The following PLEKHM1 variants were observed in gnomAD, a reference collection of about 807,000 sequenced individuals.
PLEKHM1 encodes the protein pleckstrin homology domain-containing family M member 1.
Under a neutral mutation model 94.3 loss-of-function variants are expected in PLEKHM1, and 28 were observed. The observed-to-expected ratio is 0.30, with a 90% confidence interval of 0.22 to 0.41. The LOEUF is 0.41. Ranked by LOEUF, PLEKHM1 falls within the 10% of genes least tolerant of loss-of-function variation. The pLI, the probability that PLEKHM1 is intolerant of heterozygous loss-of-function variation, is 1.00. For synonymous variants in PLEKHM1, 424 were observed against 581.2 expected, an observed-to-expected ratio of 0.73 and a Z score of 3.89; for missense variants, 907 against 1,358.6, an observed-to-expected ratio of 0.67 and a Z score of 5.22.
intron 6 of PLEKHM1, among the ~76,000 whole-genome samples, chr17:45,457,191 A>AG (rs1267869982): frequency 4.9e-4 from 75 of 151,648 alleles, no homozygotes; most frequent in African/African-American, 1.7e-3. Context: ...AAAAAAAAAA[A>AG]AAGAAGCACT....
At chr17:45,435,757 C>T (rs1330693691), downstream of PLEKHM1, 1 of 360,110 alleles carries the variant, frequency 2.8e-6, no homozygotes, top group African/African-American at 2.1e-5. Context: ...AGCCCTCTGC[C>T]TACAAGTGTT....
At position 45,477,767 on chromosome 17, in the gene PLEKHM1, C is replaced by A. The variant is rs2051799703; in HGVS notation, c.296+133G>T. The A allele has an allele frequency of 8.7e-6, 9 of 1,037,468 alleles. No homozygotes were observed. In the South Asian group the frequency reaches 1.1e-4, roughly 13 times the overall value. The allele number at this position is 1,037,468 out of a possible 1,614,324, so 64.3% of individuals were successfully genotyped here. On this transcript the variant is annotated intron_variant, in intron 3 of 11. Transcript: ENST00000430334. ...GCCTTTCTAGAAGACACTTTCAACC[C>A]CTACCTCACCCTCTCTCTATGCTAG...
At chr17:45,476,927 CAG>C in intron 3 of PLEKHM1, 1 of 152,210 alleles carries the variant, frequency 6.6e-6, no homozygotes, top group South Asian at 2.1e-4. Context: ...CAAGGAAAGA[CAG>C]AGTGAGATAA....
intron 2 of PLEKHM1, among the ~76,000 whole-genome samples, chr17:45,481,970 G>A (rs2051967850): frequency 6.6e-6 from 1 of 152,122 alleles, no homozygotes; most frequent in Admixed American, 6.5e-5. Context: ...AGGGTGCAAA[G>A]GGCTGTCCAA....
intron 4 of PLEKHM1, among the ~76,000 whole-genome samples, chr17:45,470,803 C>T (rs1221221500): frequency 1.3e-5 from 2 of 150,762 alleles, no homozygotes; most frequent in Non-Finnish European, 3.0e-5. Context: ...GGACTACAGA[C>T]GCCCGCCACA....
At chr17:45,483,055 G>A (rs1337263403) in intron 1 of PLEKHM1, among the ~76,000 whole-genome samples, 1 of 151,732 alleles carries the variant, frequency 6.6e-6, no homozygotes, top group African/African-American at 2.4e-5. Flanking sequence ...CCACTGGAAC[G>A]GCTTCAAAAG....
At chr17:45,463,729 C>G (rs1256649367) in intron 5 of PLEKHM1, 4 of 152,500 alleles carry the variant, frequency 2.6e-5, no homozygotes, top group Non-Finnish European at 5.9e-5. Flanking sequence ...TTCCGACAAC[C>G]TGCTCACTCA....
chr17:45,473,956 G>A (rs1046654834), intron 4 of PLEKHM1, among the ~76,000 whole-genome samples: 1 of 152,136 alleles, frequency 6.6e-6, no homozygotes, highest in Admixed American at 6.5e-5. Flanking sequence ...AAAGAACAGG[G>A]TAGAGGGAGA....
rs747980714 is a variant in PLEKHM1 at position 45,475,642 on chromosome 17, G to A, written c.381C>T (p.Asn127=). ...RCRAWLRLAL[N]DGLMECYLKL... ...TCAGGTAGCACTCCATCAGGCCATCGTTCAGGGCCAGCCGCAGCCATGCCC... is the reference window on the plus strand; with the variant it reads ...TCAGGTAGCACTCCATCAGGCCATCATTCAGGGCCAGCCGCAGCCATGCCC... Residue 127 remains asparagine (N), a synonymous_variant, in exon 4 of 12, where the codon AAC becomes AAT. Transcript: ENST00000430334. 13 of 1,613,642 alleles carry A rather than the reference G, an allele frequency of 8.1e-6. No homozygotes were observed. Among genetic ancestry groups the A allele is most frequent in the Admixed American group, 3.3e-5 (2 of 59,998 alleles).
Position 45,453,436 on chromosome 17 carries a change from G to A in PLEKHM1, c.2416C>T (p.Arg806Trp), listed in dbSNP as rs765334670. 1.5e-5 allele frequency: 25 copies of A among 1,612,978 alleles called. No homozygotes were observed. Among genetic ancestry groups the A allele is most frequent in the African/African-American group, 5.3e-5 (4 of 74,828 alleles). Residue 806 changes from arginine (R) to tryptophan (W), a missense_variant, in exon 7 of 12, where the codon CGG becomes TGG. This residue lies in a region of PLEKHM1 where 254 missense variants were observed against 451.1 expected (regional missense o/e 0.56). Coordinates refer to ENST00000430334, the MANE Select transcript of PLEKHM1 (RefSeq NM_014798.3). The surrounding 1 kb of genome is among the most constrained non-coding windows in gnomAD (Gnocchi z 4.1). Reference sequence around the variant, plus strand: ...TACTGCAGCAGGAAGCCATTCTCCCGGGTGGCAAATTTCAGCACCTCCTGA... The same window carrying A: ...TACTGCAGCAGGAAGCCATTCTCCCAGGTGGCAAATTTCAGCACCTCCTGA... Reference protein sequence around the residue: ...NCQEVLKFATRENGFLLQYLV... With the variant: ...NCQEVLKFATWENGFLLQYLV...
intron 1 of PLEKHM1, chr17:45,487,708 A>G (rs754014636): frequency 2.4e-5 from 11 of 455,960 alleles, no homozygotes; most frequent in Non-Finnish European, 4.4e-5. Flanking sequence ...AAAAAAGAGA[A>G]TGACTTGGAT....
intron 1 of PLEKHM1, among the ~76,000 whole-genome samples, chr17:45,489,217 C>A (rs1035670423): frequency 3.9e-5 from 6 of 152,180 alleles, no homozygotes; most frequent in African/African-American, 1.4e-4. Context: ...TAGGCCTCAG[C>A]CTCCCCAGGA....
Position 45,435,937 on chromosome 17 carries a change from A to C in PLEKHM1, c.*1921T>G. 1 of 456,300 alleles carries C rather than the reference A, an allele frequency of 2.2e-6. No individual in the cohort carries two copies. Among genetic ancestry groups the C allele is most frequent in the Non-Finnish European group, 4.4e-6 (1 of 226,714 alleles). 28.3% of individuals were successfully genotyped at this position (456,300 alleles called of 1,614,324 possible). ...TCAGGTCTTTACTGCAAAATCATTC[A>C]AAACTCACACGGCAGCAATTCCTTC... On this transcript the variant is annotated 3_prime_UTR_variant, in exon 12 of 12. Coordinates refer to ENST00000430334, the MANE Select transcript of PLEKHM1 (RefSeq NM_014798.3).
chr17:45,448,772 G>A (rs1160814726), intron 8 of PLEKHM1, among the ~76,000 whole-genome samples: 1 of 152,032 alleles, frequency 6.6e-6, no homozygotes, highest in African/African-American at 2.4e-5. Context: ...AACACAGGTA[G>A]GAAAGTGGCT....
intron 5 of PLEKHM1, among the ~76,000 whole-genome samples, chr17:45,460,743 G>C (rs138315991): frequency 8.6e-5 from 13 of 151,762 alleles, no homozygotes; most frequent in Non-Finnish European, 1.8e-4. Context: ...ATTTTTAGTA[G>C]AGATGGGGTT....
Position 45,473,780 on chromosome 17 carries a change from G to C in PLEKHM1, c.923+1320C>G, listed in dbSNP as rs191386031. On this transcript the variant is annotated intron_variant, in intron 4 of 11. Transcript: ENST00000430334. ...TCACCGTGTTAGCCAGAAAGGTCTC[G>C]ATCTCTTGCCTTTGTGATCCGCCCG... Among the ~76,000 whole-genome samples, 15 of 151,962 alleles carry C rather than the reference G, an allele frequency of 9.9e-5. No individual in the cohort carries two copies. In the East Asian group the frequency reaches 2.7e-3, roughly 28 times the overall value.
intron 4 of PLEKHM1, among the ~76,000 whole-genome samples, chr17:45,470,899 C>T (rs1318950651): frequency 1.3e-5 from 2 of 151,852 alleles, no homozygotes; most frequent in Non-Finnish European, 2.9e-5. Context: ...ATCTCCTGAC[C>T]TCGTGATCCG....
chr17:45,453,647 C>T lies in PLEKHM1; in HGVS notation c.2205G>A (p.Leu735=), dbSNP rs2050844595. The T allele has an allele frequency of 6.2e-7, 1 of 1,612,044 alleles. No homozygotes were observed. ...SHGVETIRDI[L]PDTSLGGPSF... is the part of the protein sequence containing the mutation. ...ATGGGCCCCCAAGGCTGGTGTCTGG[C>T]AGGATGTCCCGGATGGTCTCCACGC... The change falls in exon 7 of 12, where the codon CTG becomes CTA. Residue 735 remains leucine (L), a synonymous_variant. Coordinates refer to ENST00000430334, the MANE Select transcript of PLEKHM1 (RefSeq NM_014798.3). The surrounding 1 kb of genome is among the most constrained non-coding windows in gnomAD (Gnocchi z 4.1).
At chr17:45,440,112 G>A (rs2050398579) in intron 10 of PLEKHM1, 51 bp downstream of exon 10, 7 of 1,511,338 alleles carry the variant, frequency 4.6e-6, no homozygotes, top group Non-Finnish European at 6.4e-6. Context: ...TGACTTCTCT[G>A]GGAATGAAGT....
Sources: allele counts gnomAD v4.1 joint callset (sites outside exome capture counted in the v4.1 genomes callset), GRCh38; gene constraint gnomAD v4.1.1; regional missense constraint gnomAD v4.1.1; non-coding constraint Gnocchi (gnomAD v3.1); transcripts MANE v1.5; gene names NCBI Gene and HGNC (gene_info 2026-07-23, HGNC 2026-07-21).